HSD17B4: variants seen among roughly 807,000 people sequenced by gnomAD.
HSD17B4 encodes the protein hydroxysteroid 17-beta dehydrogenase 4, also known as peroxisomal multifunctional enzyme type 2.
In HSD17B4, 70 loss-of-function variants were observed where a neutral mutation model predicts 101.0. That is an observed-to-expected ratio of 0.69 (90% CI 0.57 to 0.85). The LOEUF (loss-of-function observed/expected upper bound fraction) is 0.85. Ranked by LOEUF, HSD17B4 falls within the 40% of genes least tolerant of loss-of-function variation. The pLI, the probability that HSD17B4 is intolerant of heterozygous loss-of-function variation, is 0.00. For missense variants in HSD17B4, 984 were observed against 892.4 expected (o/e 1.10, Z -1.31); for synonymous variants, 347 against 297.1 (o/e 1.17, Z -1.73).
intron 16 of HSD17B4, among the ~76,000 whole-genome samples, chr5:119,512,340 C>T (rs1752250449): frequency 6.6e-6 from 1 of 152,044 alleles, no homozygotes; most frequent in Non-Finnish European, 1.5e-5. Flanking sequence ...ATCCAAGAAG[C>T]TCAGTCAACT....
intron 12 of HSD17B4, among the ~76,000 whole-genome samples, chr5:119,497,436 T>C (rs1295021383): frequency 6.6e-6 from 1 of 152,230 alleles, no homozygotes; most frequent in East Asian, 1.9e-4. Flanking sequence ...GTTCTCATTC[T>C]ACCCGTTCAT....
At chr5:119,541,690 T>G (rs1210607625) in intron 23 of HSD17B4, among the ~76,000 whole-genome samples, 1 of 151,870 alleles carries the variant, frequency 6.6e-6, no homozygotes, top group Non-Finnish European at 1.5e-5. Context: ...TGTATAGTTT[T>G]CTAAAATACA....
chr5:119,460,292 G>T (rs922697872), intron 2 of HSD17B4, among the ~76,000 whole-genome samples: 5 of 152,190 alleles, frequency 3.3e-5, no homozygotes, highest in Non-Finnish European at 5.9e-5. Context: ...CTCCGCAACG[G>T]TAAGTATAGT....
intron 2 of HSD17B4, among the ~76,000 whole-genome samples, chr5:119,458,523 T>G (rs1248010262): frequency 6.6e-6 from 1 of 151,160 alleles, no homozygotes; most frequent in Non-Finnish European, 1.5e-5. Context: ...TTTTTTTTTT[T>G]TTTTAAGTAA....
chr5:119,468,464 A>T (rs925032973), intron 2 of HSD17B4, among the ~76,000 whole-genome samples: 1 of 150,044 alleles, frequency 6.7e-6, no homozygotes, highest in African/African-American at 2.5e-5. Context: ...CCTGGCTTGT[A>T]ATGTTTCTGC....
intron 22 of HSD17B4, among the ~76,000 whole-genome samples, chr5:119,533,390 G>C (rs868550052): frequency 1.3e-5 from 2 of 151,962 alleles, no homozygotes; most frequent in Middle Eastern, 3.4e-3. Context: ...GCATTGCAGA[G>C]TGAAAGGAAG....
chr5:119,507,020 A>AT (rs1032393090), intron 15 of HSD17B4, 131 bp downstream of exon 15: 20 of 562,434 alleles, frequency 3.6e-5, no homozygotes, highest in Non-Finnish European at 5.2e-5. Context: ...CAAGATAAGC[A>AT]TTTTTAAACT....
At chr5:119,502,434 T>TA (rs1751257983) in intron 14 of HSD17B4, among the ~76,000 whole-genome samples, 1 of 152,154 alleles carries the variant, frequency 6.6e-6, no homozygotes, top group Admixed American at 6.6e-5. Flanking sequence ...TCTCAGGTAT[T>TA]TATCTTTATA....
intron 8 of HSD17B4, among the ~76,000 whole-genome samples, chr5:119,481,158 G>T (rs1014906658): frequency 1.3e-5 from 2 of 152,140 alleles, no homozygotes; most frequent in South Asian, 2.1e-4. Flanking sequence ...AATCATAAGG[G>T]TATTGACTGG....
At chr5:119,536,586 A>C (rs1421262029) in intron 23 of HSD17B4, 36 bp downstream of exon 23, 1 of 1,605,476 alleles carries the variant, frequency 6.2e-7, no homozygotes, top group African/African-American at 1.3e-5. Context: ...TCATTGTTTT[A>C]TTGTTTCCTC....
intron 14 of HSD17B4, among the ~76,000 whole-genome samples, chr5:119,506,189 C>G (rs1034157682): frequency 6.6e-6 from 1 of 152,000 alleles, no homozygotes; most frequent in African/African-American, 2.4e-5. Context: ...TTGACAGGCC[C>G]CGGTGTGTGA....
At chr5:119,509,011 A>G in intron 15 of HSD17B4, 130 bp from the exon 16 acceptor site, 2 of 666,340 alleles carry the variant, frequency 3.0e-6, no homozygotes, top group South Asian at 1.7e-5. Context: ...ACACCTTTAC[A>G]TGTTAGAACT....
intron 12 of HSD17B4, among the ~76,000 whole-genome samples, chr5:119,498,772 C>T (rs978061498): frequency 3.3e-5 from 5 of 152,052 alleles, no homozygotes; most frequent in South Asian, 2.1e-4. Context: ...CCCAGCTACT[C>T]GGGAAGCTGA....
At chr5:119,512,580 A>G (rs1752275660) in intron 16 of HSD17B4, among the ~76,000 whole-genome samples, 1 of 152,112 alleles carries the variant, frequency 6.6e-6, no homozygotes, top group Admixed American at 6.5e-5. Flanking sequence ...AAAAAATACC[A>G]CAAGGTCAAC....
At chr5:119,473,308 CTG>C (rs1748205142) in intron 2 of HSD17B4, among the ~76,000 whole-genome samples, 2 of 89,444 alleles carry the variant, frequency 2.2e-5, no homozygotes, top group East Asian at 3.2e-4. Context: ...CTTTTCTTCC[CTG>C]CTCCTTTTTT....
At position 119,502,054 on chromosome 5, in the gene HSD17B4, A is replaced by T; in HGVS notation, c.1223A>T (p.Glu408Val). The change falls in exon 14 of 24, where the codon GAG becomes GTG. Residue 408 changes from glutamate to valine, a missense_variant. Coordinates refer to ENST00000510025, the MANE Select transcript of HSD17B4 (RefSeq NM_000414.4). The part of the protein sequence containing the change: ...SINFAKVLHG[E>V]QYLELYKPLP... ...ACCCTAACATAGGTTCTTCATGGAGAGCAGTACTTAGAGTTATATAAACCA... is the reference window on the plus strand; with the variant it reads ...ACCCTAACATAGGTTCTTCATGGAGTGCAGTACTTAGAGTTATATAAACCA... 2 of 1,604,722 alleles carry T rather than the reference A, an allele frequency of 1.2e-6. No individual in the cohort carries two copies. The highest frequency in any genetic ancestry group is 1.7e-6 in the Non-Finnish European group (2 of 1,171,580).
chr5:119,490,259 G>C (rs139887412), intron 9 of HSD17B4, among the ~76,000 whole-genome samples: 1 of 152,140 alleles, frequency 6.6e-6, no homozygotes, highest in African/African-American at 2.4e-5. Flanking sequence ...GAGGTAGAAA[G>C]AACTTTACAA....
intron 18 of HSD17B4, 22 bp from the exon 19 acceptor site, chr5:119,525,895 T>A: frequency 7.3e-7 from 1 of 1,362,684 alleles, no homozygotes; most frequent in Non-Finnish European, 1.1e-6. Context: ...TGTATCTAAC[T>A]CAGTGTTCTC....
At chr5:119,463,816 C>T (rs1439010602) in intron 2 of HSD17B4, among the ~76,000 whole-genome samples, 1 of 151,478 alleles carries the variant, frequency 6.6e-6, no homozygotes, top group African/African-American at 2.4e-5. Flanking sequence ...CTACAGGCAC[C>T]TGCCACCACA....
Sources: allele counts gnomAD v4.1 joint callset (sites outside exome capture counted in the v4.1 genomes callset), GRCh38; gene constraint gnomAD v4.1.1; transcripts MANE v1.5; gene names NCBI Gene and HGNC (gene_info 2026-07-23, HGNC 2026-07-21).